The following FANCA variants were observed in gnomAD, a reference collection of about 807,000 sequenced individuals.
FANCA encodes the protein FA complementation group A, also known as Fanconi anemia group A protein.
In FANCA, 236 loss-of-function variants were observed where a neutral mutation model predicts 194.3. The observed-to-expected ratio is 1.21, with a 90% CI of 1.09 to 1.35. The LOEUF (loss-of-function observed/expected upper bound fraction) is 1.35, where lower values mean the gene tolerates loss of function less well. FANCA is among the 40% of genes most tolerant of loss of function. FANCA has a pLI of 0.00. For synonymous variants in FANCA, 1,014 were observed against 715.8 expected (o/e 1.42, Z -6.65); for missense variants, 2,628 against 1,813.9 (o/e 1.45, Z -8.15).
intron 8 of FANCA, among the ~76,000 whole-genome samples, chr16:89,802,794 C>G (rs1344784680): frequency 6.6e-6 from 1 of 152,024 alleles, no homozygotes; most frequent in Non-Finnish European, 1.5e-5. Context: ...AAGCCAGGCA[C>G]AGAAGGACAA....
chr16:89,785,741 A>G (rs553528136), intron 14 of FANCA, among the ~76,000 whole-genome samples: 2 of 152,240 alleles, frequency 1.3e-5, no homozygotes, highest in South Asian at 4.1e-4. Flanking sequence ...GCCCCACTTG[A>G]GACCACAGGA....
intron 41 of FANCA, 76 bp downstream of exon 41, chr16:89,739,057 C>T: frequency 6.2e-7 from 1 of 1,613,916 alleles, no homozygotes; most frequent in Non-Finnish European, 8.5e-7. Flanking sequence ...GCATGCTGTG[C>T]CGGAACATTC....
intron 17 of FANCA, 138 bp from the exon 18 acceptor site, chr16:89,780,095 C>T (rs565056019): frequency 4.9e-5 from 39 of 801,528 alleles, no homozygotes; most frequent in South Asian, 4.0e-4. Context: ...ACATGCTGTG[C>T]GCACAGCAGG....
intron 21 of FANCA, 146 bp from the exon 22 acceptor site, chr16:89,773,530 A>C: frequency 1.5e-6 from 1 of 651,356 alleles, no homozygotes; most frequent in East Asian, 2.8e-5. Flanking sequence ...GTCTCTGAGG[A>C]GGTAAATGAG....
At chr16:89,749,244 G>A (rs562369491) in intron 32 of FANCA, among the ~76,000 whole-genome samples, 6 of 152,232 alleles carry the variant, frequency 3.9e-5, no homozygotes, top group South Asian at 2.1e-4. Flanking sequence ...ACAGAGTCTC[G>A]CTCTGTTGCC....
intron 22 of FANCA, 45 bp from the exon 23 acceptor site, chr16:89,771,859 G>T (rs372828412): frequency 1.2e-6 from 2 of 1,611,452 alleles, no homozygotes; most frequent in South Asian, 1.1e-5. Context: ...ACCCCGAAAG[G>T]AGGGATACAG....
chr16:89,746,536 C>A, intron 35 of FANCA, 48 bp downstream of exon 35: 1 of 1,467,036 alleles, frequency 6.8e-7, no homozygotes, highest in South Asian at 1.1e-5. Context: ...GCTGTGGAGT[C>A]TCCCACTCAT....
rs781636773 is a variant in FANCA at position 89,751,462 on chromosome 16, A to T, written c.3066+676T>A. Among the ~76,000 whole-genome samples, 80 of 152,236 alleles carry T rather than the reference A, an allele frequency of 5.3e-4. No individual in the cohort carries two copies. The Middle Eastern group carries it at 0.031, about 58-fold the overall frequency. On this transcript the variant is annotated intron_variant, in intron 31 of 42. Coordinates refer to ENST00000389301, the MANE Select transcript of FANCA (RefSeq NM_000135.4). Reference sequence around the variant, plus strand: ...ACTCTAGCCTGGGTGACAGAGCAAGACCCTGTCCCAATAATAATAATAATT... The same window carrying T: ...ACTCTAGCCTGGGTGACAGAGCAAGTCCCTGTCCCAATAATAATAATAATT...
rs766643461 is a variant in FANCA at position 89,761,994 on chromosome 16, T to G, written c.2807A>C (p.Glu936Ala). Reference sequence around the variant, plus strand: ...ATCAGCTTCAGGTTGAATTTCCAGCTCCAGGTGTAACCAGTCTTGGTAAGT... The same window carrying G: ...ATCAGCTTCAGGTTGAATTTCCAGCGCCAGGTGTAACCAGTCTTGGTAAGT... ...HLTYQDWLHL[E>A]LEIQPEADAL... Residue 936 changes from glutamate (E) to alanine (A), a missense_variant, in exon 29 of 43, where the codon GAG (glutamate) becomes GCG (alanine). Physicochemically the swap from Glu to Ala is moderately radical, Grantham distance 107. Transcript: ENST00000389301. 1 of 1,614,066 alleles carries G rather than the reference T, an allele frequency of 6.2e-7. No homozygotes were observed. The highest frequency in any genetic ancestry group is 8.5e-7 in the Non-Finnish European group (1 of 1,179,956).
intron 6 of FANCA, among the ~76,000 whole-genome samples, chr16:89,806,704 T>A (rs1021283157): frequency 2.6e-5 from 4 of 152,208 alleles, no homozygotes; most frequent in Non-Finnish European, 5.9e-5. Flanking sequence ...GGCAGAAGAA[T>A]TTCTCTTAGT....
chr16:89,758,451 G>A, intron 30 of FANCA, 126 bp downstream of exon 30: 2 of 1,107,348 alleles, frequency 1.8e-6, no homozygotes, highest in South Asian at 2.5e-5. Flanking sequence ...TTTGGGTATA[G>A]GCTGGGAAAG....
intron 30 of FANCA, among the ~76,000 whole-genome samples, chr16:89,758,024 T>C (rs1207428974): frequency 6.6e-6 from 1 of 151,858 alleles, no homozygotes; most frequent in African/African-American, 2.4e-5. Context: ...CTCAGCTAAT[T>C]TTTGTATTTT....
At chr16:89,801,707 G>A (rs2040459912) in intron 8 of FANCA, among the ~76,000 whole-genome samples, 1 of 152,008 alleles carries the variant, frequency 6.6e-6, no homozygotes, top group Non-Finnish European at 1.5e-5. Flanking sequence ...AGCCAACAGA[G>A]TGAAACCTCA....
At chr16:89,797,465 C>T (rs866424181) in intron 10 of FANCA, among the ~76,000 whole-genome samples, 2 of 152,194 alleles carry the variant, frequency 1.3e-5, no homozygotes, top group African/African-American at 2.4e-5. Context: ...TGTGGGACAT[C>T]GTGGAGATTC....
At chr16:89,741,436 G>A (rs369727129) in intron 37 of FANCA, among the ~76,000 whole-genome samples, 112 of 152,370 alleles carry the variant, frequency 7.4e-4, no homozygotes, top group African/African-American at 2.6e-3. Context: ...TTGAGCTGGT[G>A]TAAGTTGTGT....
At chr16:89,774,196 G>A (rs2039416910) in intron 21 of FANCA, among the ~76,000 whole-genome samples, 1 of 152,164 alleles carries the variant, frequency 6.6e-6, no homozygotes. Context: ...CAGCCAAAAT[G>A]AAACCAGAAA....
chr16:89,754,709 C>T (rs755165361), intron 30 of FANCA, among the ~76,000 whole-genome samples: 1 of 152,032 alleles, frequency 6.6e-6, no homozygotes, highest in Non-Finnish European at 1.5e-5. Context: ...GGAATCGATA[C>T]AAAAACACTC....
chr16:89,776,394 C>A (rs1188181901), intron 20 of FANCA, among the ~76,000 whole-genome samples: 1 of 151,508 alleles, frequency 6.6e-6, no homozygotes, highest in Non-Finnish European at 1.5e-5. Flanking sequence ...GCCTCGAACT[C>A]GTGACCTTGT....
chr16:89,747,470 G>A (rs2038430225), intron 33 of FANCA, among the ~76,000 whole-genome samples: 1 of 152,180 alleles, frequency 6.6e-6, no homozygotes, highest in Non-Finnish European at 1.5e-5. Context: ...GGAGGCCAAG[G>A]CGGGTGGATC....
Sources: gnomAD v4.1 joint callset for allele counts (sites outside exome capture counted in the v4.1 genomes callset) on GRCh38, gnomAD v4.1.1 for gene constraint, MANE v1.5 for transcripts, NCBI Gene and HGNC (gene_info 2026-07-23, HGNC 2026-07-21) for gene names.